Variants in KIF15 observed in about 807,000 individuals in gnomAD.
KIF15 encodes kinesin-like protein KIF15.
KIF15 carries 140 observed loss-of-function variants against 190.6 expected under a neutral mutation model. That is an observed-to-expected ratio of 0.73 (90% CI 0.64 to 0.84). The LOEUF is 0.84. Ranked by LOEUF, KIF15 falls within the 40% of genes least tolerant of loss-of-function variation. The pLI, the probability that KIF15 is intolerant of heterozygous loss-of-function variation, is 0.00. For missense variants in KIF15, 1,372 were observed against 1,584.4 expected, an observed-to-expected ratio of 0.87 and a Z score of 2.28; for synonymous variants, 528 against 551.3, an observed-to-expected ratio of 0.96 and a Z score of 0.59.
At position 44,761,797 on chromosome 3, in the gene KIF15, C is replaced by T. The variant is rs1358536886; in HGVS notation, c.-69C>T. Reference sequence around the variant, plus strand: ...CCATCTTGAGCGGGCGGAATTCAGTCGCGCGCGGTGCAGTCGGGAGGTGGA... The same window carrying T: ...CCATCTTGAGCGGGCGGAATTCAGTTGCGCGCGGTGCAGTCGGGAGGTGGA... On this transcript the variant is annotated 5_prime_UTR_variant, in exon 1 of 35. Transcript: ENST00000326047. 11 of 1,610,070 alleles carry T rather than the reference C, an allele frequency of 6.8e-6. No individual in the cohort carries two copies. Among genetic ancestry groups the T allele is most frequent in the East Asian group, 6.7e-5 (3 of 44,838 alleles).
At chr3:44,862,095 C>T (rs1179568835) in intron 6 of KIF15, 1 of 1,254,764 alleles carries the variant, frequency 8.0e-7, no homozygotes, top group Non-Finnish European at 1.0e-6. Context: ...CCGCCTCCGC[C>T]AAGCTGGCCT....
At chr3:44,846,017 A>G (rs1698832885) in intron 30 of KIF15, among the ~76,000 whole-genome samples, 1 of 152,218 alleles carries the variant, frequency 6.6e-6, no homozygotes, top group Non-Finnish European at 1.5e-5. Context: ...TGCAATTGCA[A>G]TCCCTCTGCT....
In KIF15 at chr3:44,827,510, G is replaced by A. The variant is rs374157434; in HGVS notation, c.2838G>A (p.Thr946=). 1.9e-6 allele frequency: 3 copies of A among 1,611,056 alleles called. No individual in the cohort carries two copies. Among genetic ancestry groups the A allele is most frequent in the Middle Eastern group, 1.7e-4 (1 of 6,050 alleles). The change falls in exon 23 of 35, where the codon ACG becomes ACA. Residue 946 remains threonine, a synonymous_variant. Transcript: ENST00000326047. ...TACGTCAGGAGAAACAGAAAGAGAC[G>A]GCCAAGTGTGAGCAGCAGGTAAAAT... The part of the protein sequence containing the change: ...EAVRQEKQKE[T]AKCEQQMAKV...
At chr3:44,816,422 G>A (rs968897919) in intron 20 of KIF15, among the ~76,000 whole-genome samples, 33 of 148,680 alleles carry the variant, frequency 2.2e-4, no homozygotes, top group African/African-American at 8.0e-4. Flanking sequence ...GCCCCAGTGT[G>A]ATGTTCCCCG....
rs374248213 is a variant in KIF15, at chr3:44,821,611, C to T, written c.2550-4428C>T. On this transcript the variant is annotated intron_variant, in intron 20 of 34. Coordinates refer to ENST00000326047, the MANE Select transcript of KIF15 (RefSeq NM_020242.3). ...CCTCACTTCCTAGATGGGATGGCGG[C>T]TGGGAAGAGGCGCTCCTCACTTTCC... Among the ~76,000 whole-genome samples, 63 of 151,444 alleles carry T rather than the reference C, an allele frequency of 4.2e-4. No homozygotes were observed. In the East Asian group the frequency reaches 8.3e-3, roughly 20 times the overall value.
chr3:44,838,366 C>T lies in KIF15; in HGVS notation c.3263C>T (p.Ser1088Phe), dbSNP rs761658532. Residue 1088 changes from serine to phenylalanine, a missense_variant, in exon 27 of 35, where the codon TCT (serine) becomes TTT (phenylalanine). Physicochemically the swap from Ser to Phe is radical, Grantham distance 155. Transcript: ENST00000326047. ...AAAAAACACTCGGGGCTGCTGCAGT[C>T]TGCCCAGGAAGAACTGACCAAGAAG... is the stretch of plus-strand genomic sequence containing the variant. ...ASKKHSGLLQ[S>F]AQEELTKKEA... 11 of 1,614,096 alleles carry T rather than the reference C, an allele frequency of 6.8e-6. No homozygotes were observed. The highest frequency in any genetic ancestry group is 9.3e-6 in the Non-Finnish European group (11 of 1,179,982).
At position 44,801,747 on chromosome 3, in the gene KIF15, A is replaced by T; in HGVS notation, c.1300-18A>T. The stretch of plus-strand genomic sequence containing the variant: ...CAAATTATTTTTCATGTTTAACCAA[A>T]TTATGAATTTCTTTAAGTCTCTGAT... On this transcript the variant is annotated intron_variant, in intron 12 of 34. Transcript: ENST00000326047. 6.9e-7 allele frequency: 1 copy of T among 1,451,548 alleles called. No homozygotes were observed. The highest frequency in any genetic ancestry group is 9.5e-7 in the Non-Finnish European group (1 of 1,051,178). 89.9% of individuals were successfully genotyped at this position (1,451,548 alleles called of 1,614,324 possible).
chr3:44,808,947 A>G (rs1270038446), intron 16 of KIF15, among the ~76,000 whole-genome samples: 2 of 152,154 alleles, frequency 1.3e-5, no homozygotes, highest in African/African-American at 2.4e-5. Context: ...CTAGGTTTCT[A>G]TGGCTTAAGT....
chr3:44,801,817 A>T lies in KIF15; in HGVS notation c.1352A>T (p.Lys451Ile). The T allele has an allele frequency of 6.2e-7, 1 of 1,608,874 alleles. No homozygotes were observed. Among genetic ancestry groups the T allele is most frequent in the Non-Finnish European group, 8.5e-7 (1 of 1,176,186 alleles). ...QLEDLTLKKE[K>I]FIQSNKMIVK... is the part of the protein sequence containing the mutation. ...GAAGACCTCACCCTCAAAAAGGAAA[A>T]ATTTATTCAATCTAATAAAATGATT... The change falls in exon 13 of 35, where the codon AAA (lysine) becomes ATA (isoleucine). Residue 451 changes from lysine (K) to isoleucine (I), a missense_variant. Transcript: ENST00000326047.
At chr3:44,805,505 A>G (rs1707455200) in intron 15 of KIF15, among the ~76,000 whole-genome samples, 1 of 152,246 alleles carries the variant, frequency 6.6e-6, no homozygotes, top group Admixed American at 6.5e-5. Flanking sequence ...CTATGTAAAA[A>G]CAAAGATAAA....
intron 20 of KIF15, among the ~76,000 whole-genome samples, chr3:44,823,198 A>C (rs1697452158): frequency 6.6e-6 from 1 of 152,032 alleles, no homozygotes; most frequent in Non-Finnish European, 1.5e-5. Context: ...TTTGGTATGG[A>C]TGCCCTTTTT....
chr3:44,805,351 G>A (rs1361103156), intron 15 of KIF15, among the ~76,000 whole-genome samples, 183 bp downstream of exon 15: 2 of 152,118 alleles, frequency 1.3e-5, no homozygotes, highest in African/African-American at 2.4e-5. Context: ...CAATGAACTA[G>A]GTAATACAGG....
At chr3:44,862,062 C>A in intron 6 of KIF15, 1 of 1,205,428 alleles carries the variant, frequency 8.3e-7, no homozygotes, top group South Asian at 2.5e-5. Context: ...GTCTGTGCGC[C>A]GGCGCGTTCG....
chr3:44,816,243 A>T (rs1006683605), intron 20 of KIF15, among the ~76,000 whole-genome samples: 7 of 152,154 alleles, frequency 4.6e-5, no homozygotes, highest in South Asian at 2.1e-4. Context: ...TCCTTTTTTT[A>T]AAATTTTTTT....
intron 32 of KIF15, among the ~76,000 whole-genome samples, chr3:44,849,036 A>G (rs1360833631): frequency 6.6e-6 from 1 of 152,206 alleles, no homozygotes; most frequent in Non-Finnish European, 1.5e-5. Flanking sequence ...TCACTCTTTG[A>G]TGAGCAAGGT....
At chr3:44,795,017 G>A (rs1706908840) in intron 8 of KIF15, among the ~76,000 whole-genome samples, 1 of 152,094 alleles carries the variant, frequency 6.6e-6, no homozygotes, top group South Asian at 2.1e-4. Flanking sequence ...CAAGCTAAGT[G>A]TTTTGAGGGT....
intron 32 of KIF15, among the ~76,000 whole-genome samples, chr3:44,849,774 ATTTAT>A (rs934285653): frequency 9.2e-5 from 14 of 152,158 alleles, no homozygotes; most frequent in Admixed American, 2.0e-4. Flanking sequence ...ATTTGTAAAA[ATTTAT>A]TTTAATCATA....
chr3:44,793,336 C>T (rs1575600531), intron 7 of KIF15, among the ~76,000 whole-genome samples: 1 of 152,212 alleles, frequency 6.6e-6, no homozygotes, highest in East Asian at 1.9e-4. Context: ...ACTTTGTAGA[C>T]CAAAAGCTTA....
At chr3:44,762,328 C>G (rs1316150286) in intron 1 of KIF15, among the ~76,000 whole-genome samples, 1 of 152,232 alleles carries the variant, frequency 6.6e-6, no homozygotes, top group African/African-American at 2.4e-5. Flanking sequence ...CCAAACATTT[C>G]TTTCTCCTCT....
Sources: allele counts gnomAD v4.1 joint callset (sites outside exome capture counted in the v4.1 genomes callset), GRCh38; gene constraint gnomAD v4.1.1; transcripts MANE v1.5; gene names NCBI Gene and HGNC (gene_info 2026-07-23, HGNC 2026-07-21).